The following NAALADL2 variants were observed in gnomAD, a reference collection of about 807,000 sequenced individuals.
NAALADL2 encodes inactive N-acetylated-alpha-linked acidic dipeptidase-like protein 2.
NAALADL2 carries 76 observed loss-of-function variants against 87.2 expected under a neutral mutation model. The ratio of observed to expected loss-of-function variants is 0.87; its 90% CI spans 0.72 to 1.05. The LOEUF (loss-of-function observed/expected upper bound fraction) is 1.05. Ranked by LOEUF, NAALADL2 falls within the 50% of genes least tolerant of loss-of-function variation. The pLI, the probability that NAALADL2 is intolerant of heterozygous loss-of-function variation, is 0.00. For synonymous variants in NAALADL2, 354 were observed against 331.0 expected (o/e 1.07, Z -0.75); for missense variants, 1,089 against 945.8 (o/e 1.15, Z -1.99).
At chr3:174,729,594 G>A (rs1732514878) in intron 2 of NAALADL2, among the ~76,000 whole-genome samples, 2 of 151,832 alleles carry the variant, frequency 1.3e-5, no homozygotes, top group South Asian at 2.1e-4. Context: ...ATCATGCTAG[G>A]ACATTGTTGG....
chr3:175,444,753 C>T (rs183167939), intron 5 of NAALADL2, among the ~76,000 whole-genome samples: 9 of 152,182 alleles, frequency 5.9e-5, no homozygotes, highest in East Asian at 3.9e-4. Flanking sequence ...CGCTGTGGTC[C>T]GAATGCACTG....
intron 4 of NAALADL2, among the ~76,000 whole-genome samples, chr3:175,312,993 A>G: frequency 6.6e-6 from 1 of 152,188 alleles, no homozygotes; most frequent in South Asian, 2.1e-4. Flanking sequence ...GGCTTAAACT[A>G]CGAAAAATTA....
intron 2 of NAALADL2, among the ~76,000 whole-genome samples, chr3:174,555,872 A>G (rs956119539): frequency 6.0e-5 from 9 of 151,142 alleles, no homozygotes; most frequent in African/African-American, 2.2e-4. Flanking sequence ...TGTTTCCGCT[A>G]TTTTCTCAAT....
intron 1 of NAALADL2, among the ~76,000 whole-genome samples, chr3:174,952,423 C>A (rs990702451): frequency 6.6e-6 from 1 of 152,066 alleles, no homozygotes; most frequent in African/African-American, 2.4e-5. Context: ...CAGGATTTGC[C>A]TGTGATAGCA....
chr3:175,439,072 G>T (rs183938259), intron 5 of NAALADL2, among the ~76,000 whole-genome samples: 2 of 151,964 alleles, frequency 1.3e-5, no homozygotes, highest in African/African-American at 4.8e-5. Context: ...TCATAGCTTC[G>T]CTACTACTTA....
chr3:174,998,169 T>A (rs935323483), intron 1 of NAALADL2, among the ~76,000 whole-genome samples: 2 of 152,334 alleles, frequency 1.3e-5, no homozygotes, highest in East Asian at 3.9e-4. Flanking sequence ...TGTTAGGCAT[T>A]ATGCTTTGTG....
chr3:175,781,301 T>A (rs1333242566), intron 13 of NAALADL2, among the ~76,000 whole-genome samples: 1 of 152,196 alleles, frequency 6.6e-6, no homozygotes, highest in African/African-American at 2.4e-5. Context: ...TGAATAATGA[T>A]GTTTCAGTCA....
chr3:175,239,358 T>A (rs945417813), intron 3 of NAALADL2, among the ~76,000 whole-genome samples: 7 of 152,214 alleles, frequency 4.6e-5, no homozygotes, highest in Middle Eastern at 3.2e-3. Flanking sequence ...TTAAAGACAT[T>A]GGTGGTGAGT....
At chr3:175,464,238 T>C (rs1418527842) in intron 7 of NAALADL2, among the ~76,000 whole-genome samples, 1 of 152,136 alleles carries the variant, frequency 6.6e-6, no homozygotes, top group Non-Finnish European at 1.5e-5. Flanking sequence ...GTATCCTTGG[T>C]CCATTGCCAA....
chr3:174,765,172 CAGAG>C (rs201437757), intron 3 of NAALADL2, among the ~76,000 whole-genome samples: 1,779 of 135,626 alleles, frequency 0.013, 31 homozygotes, highest in African/African-American at 0.044. Flanking sequence ...GAGAGAGAGA[CAGAG>C]AGAACAAGAG....
chr3:175,360,475 T>A lies in NAALADL2; in HGVS notation c.1090+36150T>A, dbSNP rs182425172. On this transcript the variant is annotated intron_variant, in intron 5 of 13. Transcript: ENST00000454872. ...CCTCCCTCTTGCTTCTTTTCCTAAA[T>A]CCTATGTATTCCCCTTCATGTTGGT... Among the ~76,000 whole-genome samples the A allele has an allele frequency of 4.1e-3, 627 of 152,194 alleles. 3 individuals are homozygous for A. The highest frequency in any genetic ancestry group is 0.014 in the African/African-American group (583 of 41,554).
chr3:175,411,810 A>T (rs1713571767), intron 5 of NAALADL2, among the ~76,000 whole-genome samples: 3 of 152,066 alleles, frequency 2.0e-5, no homozygotes, highest in Non-Finnish European at 4.4e-5. Context: ...CTAATTGGTC[A>T]ATGTTTGTGT....
intron 9 of NAALADL2, among the ~76,000 whole-genome samples, chr3:175,534,797 C>G (rs900915367): frequency 5.9e-5 from 9 of 151,450 alleles, no homozygotes; most frequent in African/African-American, 2.2e-4. Flanking sequence ...TTTATTGGTT[C>G]TATGATTGGT....
At chr3:174,583,285 A>G (rs529253854) in intron 2 of NAALADL2, among the ~76,000 whole-genome samples, 83 of 152,260 alleles carry the variant, frequency 5.5e-4, no homozygotes, top group African/African-American at 1.9e-3. Context: ...ATTTTTTTCC[A>G]TTAAGTTCTT....
intron 2 of NAALADL2, among the ~76,000 whole-genome samples, chr3:174,672,170 A>G (rs1004328381): frequency 2.0e-5 from 3 of 152,052 alleles, no homozygotes; most frequent in Admixed American, 6.6e-5. Flanking sequence ...ATGCATTTCA[A>G]TGTTTACTTT....
chr3:175,245,639 G>A (rs144613117), intron 3 of NAALADL2, among the ~76,000 whole-genome samples: 131 of 152,262 alleles, frequency 8.6e-4, no homozygotes, highest in African/African-American at 3.1e-3. Flanking sequence ...TATCACTGTA[G>A]CAAGTATTTT....
intron 2 of NAALADL2, among the ~76,000 whole-genome samples, chr3:174,644,208 A>T (rs11927167): frequency 0.22 from 33,497 of 152,122 alleles, 4,401 homozygotes; most frequent in African/African-American, 0.36. Context: ...GAGATTAGAA[A>T]CTGACAGAGT....
chr3:175,200,043 A>G (rs1461280), intron 2 of NAALADL2, among the ~76,000 whole-genome samples: 56,697 of 150,618 alleles, frequency 0.38, 11,905 homozygotes, highest in East Asian at 0.55. Context: ...TTCAGCTGGC[A>G]TGATTCTGTC....
intron 4 of NAALADL2, among the ~76,000 whole-genome samples, chr3:175,312,084 A>T (rs1026700715): frequency 1.3e-5 from 2 of 152,160 alleles, no homozygotes. Context: ...GAGACACTGG[A>T]ATCTTACAAG....
Sources: allele counts gnomAD v4.1 joint callset (sites outside exome capture counted in the v4.1 genomes callset), GRCh38; gene constraint gnomAD v4.1.1; transcripts MANE v1.5; gene names NCBI Gene and HGNC (gene_info 2026-07-23, HGNC 2026-07-21).